FAM81A: variants seen among roughly 807,000 people sequenced by gnomAD.
FAM81A encodes the protein family with sequence similarity 81 member A.
Under a neutral mutation model 46.7 loss-of-function variants are expected in FAM81A, and 19 were observed. That is an observed-to-expected ratio of 0.41 (90% CI 0.28 to 0.60). The LOEUF (loss-of-function observed/expected upper bound fraction) is 0.60. Among genes scored for constraint, FAM81A ranks in the 20% least tolerant of loss-of-function variants. FAM81A has a pLI of 0.34. For synonymous variants in FAM81A, 183 were observed against 152.9 expected, an observed-to-expected ratio of 1.20 and a Z score of -1.45; for missense variants, 377 against 453.5, an observed-to-expected ratio of 0.83 and a Z score of 1.53.
intron 2 of FAM81A, among the ~76,000 whole-genome samples, chr15:59,405,795 T>G (rs2081091688): frequency 6.6e-6 from 1 of 152,240 alleles, no homozygotes; most frequent in African/African-American, 2.4e-5. Context: ...CTGCTACTTT[T>G]GAGTTATCTC....
At chr15:59,442,666 C>CAA (rs2081312919) in intron 1 of FAM81A, among the ~76,000 whole-genome samples, 1 of 150,278 alleles carries the variant, frequency 6.7e-6, no homozygotes, top group Admixed American at 6.6e-5. Flanking sequence ...AGAAAAGTCG[C>CAA]AATAATTAAA....
At chr15:59,488,656 T>C (rs1262628778) in intron 3 of FAM81A, among the ~76,000 whole-genome samples, 2 of 152,234 alleles carry the variant, frequency 1.3e-5, no homozygotes, top group African/African-American at 2.4e-5. Flanking sequence ...ATCAAGAAAG[T>C]AATCTCATTT....
At chr15:59,455,416 C>T (rs375797952) in intron 1 of FAM81A, among the ~76,000 whole-genome samples, 8 of 152,116 alleles carry the variant, frequency 5.3e-5, no homozygotes, top group South Asian at 2.1e-4. Context: ...GATTTATAAA[C>T]GTACAGGAGA....
chr15:59,461,302 T>C (rs1410779878), intron 3 of FAM81A, among the ~76,000 whole-genome samples: 1 of 152,106 alleles, frequency 6.6e-6, no homozygotes, highest in East Asian at 1.9e-4. Flanking sequence ...TTCCTTTTCT[T>C]TCTTTTTGTT....
chr15:59,515,980 A>G (rs2082261864), intron 7 of FAM81A, among the ~76,000 whole-genome samples: 1 of 152,216 alleles, frequency 6.6e-6, no homozygotes, highest in Non-Finnish European at 1.5e-5. Flanking sequence ...TTCATAATTC[A>G]ATATAGCTGC....
chr15:59,507,573 CCCA>C (rs1425583932), intron 5 of FAM81A, among the ~76,000 whole-genome samples: 2 of 152,144 alleles, frequency 1.3e-5, no homozygotes, highest in African/African-American at 2.4e-5. Context: ...AATTCTACTC[CCCA>C]CCACCACATT....
Position 59,460,213 on chromosome 15 carries a change from T to A in FAM81A, c.294+7T>A, listed in dbSNP as rs1306560849. 6.2e-7 allele frequency: 1 copy of A among 1,613,950 alleles called. No individual in the cohort carries two copies. Among genetic ancestry groups the A allele is most frequent in the Non-Finnish European group, 8.5e-7 (1 of 1,179,876 alleles). ...ACTTAATCGGGATATCGAGGTAAGG[T>A]TTGTGAAAGTCAGGTGGCCTATGTC... is the stretch of plus-strand genomic sequence containing the variant. On this transcript the variant is annotated splice_region_variant and intron_variant, in intron 3 of 8. Transcript: ENST00000288228. This position sits in a 1 kb window ranked among gnomAD's most constrained non-coding sequence, Gnocchi z 4.4.
At chr15:59,471,933 A>G (rs2081697228) in intron 3 of FAM81A, among the ~76,000 whole-genome samples, 1 of 152,232 alleles carries the variant, frequency 6.6e-6, no homozygotes, top group African/African-American at 2.4e-5. Context: ...TGATGGTTAA[A>G]GAAAATGACT....
intron 3 of FAM81A, among the ~76,000 whole-genome samples, chr15:59,466,661 G>C (rs1193224296): frequency 1.3e-5 from 2 of 152,148 alleles, no homozygotes; most frequent in Admixed American, 6.5e-5. Context: ...TAGGTTGCCT[G>C]TTCACTCTGA....
intron 8 of FAM81A, 26 bp from the exon 9 acceptor site, chr15:59,521,228 G>A (rs2141857202): frequency 6.3e-7 from 1 of 1,596,034 alleles, no homozygotes; most frequent in Non-Finnish European, 8.5e-7. Context: ...ATTGTTAACT[G>A]TTGTGAAATT....
At chr15:59,491,139 A>G (rs1463935786) in intron 3 of FAM81A, among the ~76,000 whole-genome samples, 1 of 152,234 alleles carries the variant, frequency 6.6e-6, no homozygotes, top group Non-Finnish European at 1.5e-5. Context: ...ACTATCCACA[A>G]TAGCCAAGAT....
chr15:59,486,957 T>G (rs113424779), intron 3 of FAM81A, among the ~76,000 whole-genome samples: 13,163 of 151,924 alleles, frequency 0.087, 704 homozygotes, highest in African/African-American at 0.15. Flanking sequence ...CAAAACTCAC[T>G]GGTAATAGTA....
chr15:59,517,606 A>C (rs761978074), intron 8 of FAM81A, among the ~76,000 whole-genome samples: 2 of 152,092 alleles, frequency 1.3e-5, no homozygotes, highest in African/African-American at 4.8e-5. Context: ...GATTCCATGA[A>C]TTTTCTTCTA....
chr15:59,421,738 T>C (rs1424711576), intron 2 of FAM81A, among the ~76,000 whole-genome samples: 1 of 93,102 alleles, frequency 1.1e-5, no homozygotes, highest in African/African-American at 4.1e-5. Flanking sequence ...TGTCTATCTA[T>C]CTATCTGTCT....
At chr15:59,479,409 G>A (rs557288026) in intron 3 of FAM81A, among the ~76,000 whole-genome samples, 20 of 151,666 alleles carry the variant, frequency 1.3e-4, no homozygotes, top group African/African-American at 4.8e-4. Flanking sequence ...TGCTTGGGAG[G>A]CTGAGGCAGG....
chr15:59,433,766 T>G (rs546010107), upstream of FAM81A, among the ~76,000 whole-genome samples: 1 of 152,250 alleles, frequency 6.6e-6, no homozygotes, highest in Non-Finnish European at 1.5e-5. Context: ...AGTTTTTAGT[T>G]GGTTATTCAC....
chr15:59,494,250 A>G (rs1466149892), intron 4 of FAM81A, among the ~76,000 whole-genome samples: 1 of 152,218 alleles, frequency 6.6e-6, no homozygotes, highest in Non-Finnish European at 1.5e-5. Context: ...TACCTCTCAG[A>G]ACAGCAGGGA....
intron 3 of FAM81A, among the ~76,000 whole-genome samples, chr15:59,470,922 A>T (rs938800000): frequency 6.6e-6 from 1 of 152,082 alleles, no homozygotes; most frequent in East Asian, 1.9e-4. Flanking sequence ...TCCTGGGCTC[A>T]GGTGATTCTT....
At chr15:59,432,547 C>G (rs916169818) in intron 2 of FAM81A, among the ~76,000 whole-genome samples, 56 of 152,130 alleles carry the variant, frequency 3.7e-4, no homozygotes, top group African/African-American at 1.3e-3. Flanking sequence ...GCACCTGGTA[C>G]CTACAAGGCA....
Sources: allele counts gnomAD v4.1 joint callset (sites outside exome capture counted in the v4.1 genomes callset), GRCh38; gene constraint gnomAD v4.1.1; non-coding constraint Gnocchi (gnomAD v3.1); transcripts MANE v1.5; gene names NCBI Gene and HGNC (gene_info 2026-07-23, HGNC 2026-07-21).